PPDPFL: variants seen among roughly 807,000 people sequenced by gnomAD.
PPDPFL encodes the protein pancreatic progenitor cell differentiation and proliferation factor like.
PPDPFL carries 12 observed loss-of-function variants against 12.6 expected under a neutral mutation model. That is an observed-to-expected ratio of 0.95 (90% CI 0.61 to 1.54). The LOEUF is 1.54. PPDPFL is among the 40% of genes most tolerant of loss of function. The pLI, the probability that PPDPFL is intolerant of heterozygous loss-of-function variation, is 0.00. For missense variants in PPDPFL, 114 were observed against 96.0 expected, an observed-to-expected ratio of 1.19 and a Z score of -0.78; for synonymous variants, 24 against 32.7, an observed-to-expected ratio of 0.73 and a Z score of 0.91.
intron 1 of PPDPFL, among the ~76,000 whole-genome samples, chr8:49,060,062 T>A (rs551084957): frequency 2.6e-5 from 4 of 152,212 alleles, no homozygotes; most frequent in African/African-American, 9.7e-5. Flanking sequence ...GAAAGAACAC[T>A]GTAGTTGAAC....
intron 4 of PPDPFL, 175 bp from the exon 5 acceptor site, chr8:49,074,977 G>A (rs895337483): frequency 1.2e-5 from 16 of 1,371,372 alleles, no homozygotes; most frequent in East Asian, 2.5e-5. Flanking sequence ...GACAAATTTA[G>A]AATCATTATT....
intron 1 of PPDPFL, among the ~76,000 whole-genome samples, chr8:49,061,076 CCT>C (rs1366807974): frequency 6.6e-6 from 1 of 151,892 alleles, no homozygotes; most frequent in Non-Finnish European, 1.5e-5. Flanking sequence ...CAGTGTGGAC[CCT>C]GTCATGGGTG....
chr8:49,065,773 C>T (rs1372677629), intron 1 of PPDPFL, among the ~76,000 whole-genome samples: 1 of 152,160 alleles, frequency 6.6e-6, no homozygotes, highest in Non-Finnish European at 1.5e-5. Flanking sequence ...AACAATAAAA[C>T]ATTCTGGTGA....
At chr8:49,069,884 G>T (rs535475641), upstream of PPDPFL, among the ~76,000 whole-genome samples, 1 of 152,150 alleles carries the variant, frequency 6.6e-6, no homozygotes, top group South Asian at 2.1e-4. Context: ...GCAGTGAGCC[G>T]AGATCGCCCA....
chr8:49,062,571 T>C (rs968210183), intron 1 of PPDPFL, among the ~76,000 whole-genome samples: 6 of 152,130 alleles, frequency 3.9e-5, no homozygotes, highest in African/African-American at 1.4e-4. Context: ...TTTTCAGGAC[T>C]GAGGTGCTGT....
At chr8:49,066,456 C>G (rs1404137096) in intron 1 of PPDPFL, among the ~76,000 whole-genome samples, 2 of 152,076 alleles carry the variant, frequency 1.3e-5, no homozygotes, top group Non-Finnish European at 2.9e-5. Context: ...ATTTTCTAAG[C>G]CTGGATTTTT....
At chr8:49,062,582 T>C (rs143420460) in intron 1 of PPDPFL, among the ~76,000 whole-genome samples, 26 of 152,278 alleles carry the variant, frequency 1.7e-4, no homozygotes, top group Admixed American at 6.5e-4. Flanking sequence ...GAGGTGCTGT[T>C]ATAGAGTAGG....
In PPDPFL at chr8:49,066,258, A is replaced by G. The variant is rs147912617; in HGVS notation, c.-44-6529A>G. ...AAAGACAGCAGCTTTTGCTACAAGG[A>G]TACATATTTTCTCCATATCCATGAA... On this transcript the variant is annotated intron_variant, in intron 1 of 4. Transcript: ENST00000517663. 4.9e-3 allele frequency among the ~76,000 whole-genome samples: 743 copies of G among 152,268 alleles called. 16 individuals carry two copies. The highest frequency in any genetic ancestry group is 0.037 in the Admixed American group (564 of 15,298).
chr8:49,070,375 T>A (rs1416760807), upstream of PPDPFL, among the ~76,000 whole-genome samples: 1 of 152,202 alleles, frequency 6.6e-6, no homozygotes, highest in Non-Finnish European at 1.5e-5. Flanking sequence ...CCTGCACATG[T>A]ACCCTTGAAC....
intron 2 of PPDPFL, 71 bp downstream of exon 2, chr8:49,072,956 C>A: frequency 7.6e-7 from 1 of 1,318,032 alleles, no homozygotes; most frequent in Non-Finnish European, 1.1e-6. Flanking sequence ...ATATTGTTAA[C>A]ACAGGTATCA....
chr8:49,068,414 G>A (rs1808332226), upstream of PPDPFL, among the ~76,000 whole-genome samples: 1 of 152,118 alleles, frequency 6.6e-6, no homozygotes, highest in South Asian at 2.1e-4. Context: ...CCTGCAAACT[G>A]ACAGCCAAAA....
In PPDPFL at chr8:49,074,164, C is replaced by A. The variant is rs557509687; in HGVS notation, c.133+28C>A. On this transcript the variant is annotated intron_variant, in intron 3 of 4. Transcript: ENST00000522267. ...ACTTAGTTATTTCTTTCAGTGTCAT[C>A]CTTATTATTTCTTTTTATTTTCAAT... 5.6e-6 allele frequency: 9 copies of A among 1,602,112 alleles called. No homozygotes were observed. The African/African-American group carries it at 1.1e-4, about 19-fold the overall frequency.
chr8:49,067,367 C>T (rs761113304), upstream of PPDPFL, among the ~76,000 whole-genome samples: 15 of 152,320 alleles, frequency 9.8e-5, no homozygotes, highest in Admixed American at 2.0e-4. Flanking sequence ...CTTAATATAG[C>T]ACATTTATTG....
At chr8:49,071,017 G>A (rs1808377585), upstream of PPDPFL, among the ~76,000 whole-genome samples, 1 of 151,964 alleles carries the variant, frequency 6.6e-6, no homozygotes, top group East Asian at 1.9e-4. Flanking sequence ...TGTACCCTTG[G>A]CCAACATCTC....
intron 1 of PPDPFL, 57 bp from the exon 2 acceptor site, chr8:49,072,729 AG>A: frequency 1.3e-6 from 1 of 774,330 alleles, no homozygotes; most frequent in Non-Finnish European, 2.1e-6. Flanking sequence ...CGTGGAAAAA[AG>A]AAAAGGAAAC....
intron 1 of PPDPFL, among the ~76,000 whole-genome samples, chr8:49,054,944 G>A (rs915160496): frequency 3.3e-5 from 5 of 152,102 alleles, no homozygotes; most frequent in Non-Finnish European, 5.9e-5. Context: ...GCTCCTCAAA[G>A]CTCTATTTTC....
At chr8:49,059,396 C>T (rs1770022795) in intron 1 of PPDPFL, among the ~76,000 whole-genome samples, 1 of 152,096 alleles carries the variant, frequency 6.6e-6, no homozygotes, top group African/African-American at 2.4e-5. Flanking sequence ...AATACTAAAA[C>T]CTCAAAATAC....
rs750199496 is a variant in PPDPFL at position 49,075,297 on chromosome 8, G to A, written c.*124G>A. On this transcript the variant is annotated 3_prime_UTR_variant, in exon 5 of 5. Transcript: ENST00000522267. ...TGCTGCAGTGGTCCATACATGAACA[G>A]CTCCCCTTCAGCGCCCCAGCTATTC... 2 of 1,604,528 alleles carry A rather than the reference G, an allele frequency of 1.2e-6. No homozygotes were observed. The highest frequency in any genetic ancestry group is 2.2e-5 in the South Asian group (2 of 90,912).
chr8:49,068,941 G>C (rs1019710006), upstream of PPDPFL, among the ~76,000 whole-genome samples: 1 of 151,964 alleles, frequency 6.6e-6, no homozygotes, highest in Non-Finnish European at 1.5e-5. Flanking sequence ...GATATCATTA[G>C]GAAAAAATAC....
Sources: gnomAD v4.1 joint callset for allele counts (sites outside exome capture counted in the v4.1 genomes callset) on GRCh38, gnomAD v4.1.1 for gene constraint, MANE v1.5 for transcripts, NCBI Gene and HGNC (gene_info 2026-07-23, HGNC 2026-07-21) for gene names.